The following BICRAL variants were observed in gnomAD, a reference collection of about 807,000 sequenced individuals.
BICRAL encodes the protein BRD4-interacting chromatin-remodeling complex-associated protein-like.
In BICRAL, 8 loss-of-function variants were observed where a neutral mutation model predicts 91.8. That is an observed-to-expected ratio of 0.09 (90% confidence interval 0.05 to 0.16). The LOEUF is 0.16. Among genes scored for constraint, BICRAL ranks in the 10% least tolerant of loss-of-function variants. The pLI is 1.00. For missense variants in BICRAL, 1,038 were observed against 1,310.9 expected (o/e 0.79, Z 3.21); for synonymous variants, 445 against 491.1 (o/e 0.91, Z 1.24).
intron 1 of BICRAL, among the ~76,000 whole-genome samples, chr6:42,767,011 G>A (rs1762645907): frequency 1.3e-5 from 2 of 150,700 alleles, no homozygotes; most frequent in African/African-American, 4.9e-5. Context: ...CTGTACTCCA[G>A]CCTGGGCAAC....
chr6:42,855,255 C>T (rs184122349), intron 8 of BICRAL, among the ~76,000 whole-genome samples: 76 of 152,178 alleles, frequency 5.0e-4, no homozygotes, highest in Middle Eastern at 3.4e-3. Context: ...AAAAATATAA[C>T]GATGGGTCAG....
intron 12 of BICRAL, among the ~76,000 whole-genome samples, chr6:42,863,855 C>G (rs1406689956): frequency 6.6e-6 from 1 of 152,094 alleles, no homozygotes; most frequent in African/African-American, 2.4e-5. Context: ...TGGTGAAACC[C>G]CGTCTTTACT....
At position 42,807,754 on chromosome 6, in the gene BICRAL, C is replaced by T. The variant is rs1279756529; in HGVS notation, c.-101-2552C>T. ...CTGGGAGGCGGAGGTTGCAGTGAGC[C>T]GAGATCACACCACTGCACTCTAGCC... On this transcript the variant is annotated intron_variant, in intron 1 of 12. Coordinates refer to ENST00000314073, the MANE Select transcript of BICRAL (RefSeq NM_001393499.1). Among the ~76,000 whole-genome samples, 3 of 148,888 alleles carry T rather than the reference C, an allele frequency of 2.0e-5. No individual in the cohort carries two copies. The East Asian group carries it at 6.1e-4, about 30-fold the overall frequency.
intron 5 of BICRAL, 137 bp downstream of exon 5, chr6:42,823,140 T>G (rs1478264638): frequency 1.7e-6 from 1 of 584,752 alleles, no homozygotes; most frequent in Non-Finnish European, 3.0e-6. Flanking sequence ...TATTTATTTA[T>G]TTTGAGATGG....
Position 42,822,917 on chromosome 6 carries a change from G to A in BICRAL, c.91-18G>A. Reference sequence around the variant, plus strand: ...ACAGTTAAAGTAGTAACCACCTATTGAATTTGTATCTTTGCAGAGCAATGA... The same window carrying A: ...ACAGTTAAAGTAGTAACCACCTATTAAATTTGTATCTTTGCAGAGCAATGA... On this transcript the variant is annotated intron_variant, in intron 4 of 12. Coordinates refer to ENST00000314073, the MANE Select transcript of BICRAL (RefSeq NM_001393499.1). The A allele has an allele frequency of 4.4e-6, 7 of 1,588,020 alleles. No individual in the cohort carries two copies. The highest frequency in any genetic ancestry group is 6.1e-6 in the Non-Finnish European group (7 of 1,156,508).
chr6:42,841,585 G>A (rs1242001504), intron 6 of BICRAL, among the ~76,000 whole-genome samples: 6 of 152,074 alleles, frequency 3.9e-5, no homozygotes, highest in Non-Finnish European at 8.8e-5. Context: ...ATGTGGAACC[G>A]TTGTATTTTC....
chr6:42,867,114 A>G lies in BICRAL; in HGVS notation c.*1668A>G, dbSNP rs1043160416. The G allele has an allele frequency of 3.6e-6, 1 of 276,122 alleles. No homozygotes were observed. Among genetic ancestry groups the G allele is most frequent in the African/African-American group, 2.2e-5 (1 of 45,286 alleles). The allele number at this position is 276,122 out of a possible 1,614,324, so 17.1% of individuals were successfully genotyped here. A position where few individuals can be genotyped will look rare whatever the true frequency, so the allele number is the denominator to read the frequency against. On this transcript the variant is annotated 3_prime_UTR_variant, in exon 13 of 13. Transcript: ENST00000314073. Reference sequence around the variant, plus strand: ...GAATCTGCTTCTGGCTGTCGCCAACATGGGGATGACCCCCATTGTCATCAT... The same window carrying G: ...GAATCTGCTTCTGGCTGTCGCCAACGTGGGGATGACCCCCATTGTCATCAT...
chr6:42,820,825 C>T (rs1475119689), intron 2 of BICRAL, among the ~76,000 whole-genome samples: 5 of 152,284 alleles, frequency 3.3e-5, no homozygotes, highest in Admixed American at 6.5e-5. Context: ...TGAATTCAGC[C>T]GCCAAGGGGA....
At chr6:42,787,207 G>A (rs1225086524) in intron 1 of BICRAL, among the ~76,000 whole-genome samples, 1 of 152,120 alleles carries the variant, frequency 6.6e-6, no homozygotes, top group Non-Finnish European at 1.5e-5. Context: ...AGGAATCAAG[G>A]GTGCCTTCAG....
intron 6 of BICRAL, among the ~76,000 whole-genome samples, chr6:42,847,608 T>C (rs1414807159): frequency 2.0e-5 from 3 of 150,322 alleles, no homozygotes; most frequent in African/African-American, 7.4e-5. Flanking sequence ...GAAGACCTCG[T>C]CTCTACAAAA....
intron 1 of BICRAL, among the ~76,000 whole-genome samples, chr6:42,769,873 A>G (rs1762693493): frequency 6.6e-6 from 1 of 152,194 alleles, no homozygotes; most frequent in Admixed American, 6.5e-5. Flanking sequence ...ACTGAAACAG[A>G]TTTCCCAAGT....
At chr6:42,760,266 A>G (rs571040288) in intron 1 of BICRAL, among the ~76,000 whole-genome samples, 5 of 146,902 alleles carry the variant, frequency 3.4e-5, no homozygotes, top group African/African-American at 1.3e-4. Context: ...ATCTCAAAAC[A>G]AAAAAAAATT....
intron 12 of BICRAL, among the ~76,000 whole-genome samples, chr6:42,864,347 A>G (rs1161964687): frequency 6.6e-6 from 1 of 152,192 alleles, no homozygotes; most frequent in African/African-American, 2.4e-5. Context: ...CTCAAAAAAA[A>G]TAAAATGATA....
chr6:42,845,791 C>T (rs1403210981), intron 6 of BICRAL, among the ~76,000 whole-genome samples: 1 of 151,524 alleles, frequency 6.6e-6, no homozygotes, highest in East Asian at 1.9e-4. Context: ...TGGCCGGGCG[C>T]GGTGGCTCAC....
chr6:42,858,767 A>T (rs568400181), intron 10 of BICRAL, among the ~76,000 whole-genome samples: 14 of 152,096 alleles, frequency 9.2e-5, no homozygotes, highest in Non-Finnish European at 1.9e-4. Context: ...CCATGAGCCG[A>T]GATCGTGCCA....
chr6:42,764,332 G>T (rs1171630294), intron 1 of BICRAL, among the ~76,000 whole-genome samples: 1 of 150,876 alleles, frequency 6.6e-6, no homozygotes, highest in East Asian at 2.0e-4. Context: ...TGGGAGGATT[G>T]CTTGAGCCTA....
chr6:42,801,892 AAAT>A (rs1207067482), intron 1 of BICRAL, among the ~76,000 whole-genome samples: 9 of 64,702 alleles, frequency 1.4e-4, no homozygotes, highest in Non-Finnish European at 3.1e-4. Context: ...CAAAAAAAAT[AAAT>A]AAAAATAAAA....
chr6:42,818,762 G>T (rs1764061978), intron 2 of BICRAL, among the ~76,000 whole-genome samples: 1 of 152,062 alleles, frequency 6.6e-6, no homozygotes, highest in South Asian at 2.1e-4. Context: ...AAGATATGAG[G>T]TGTGAATCTA....
chr6:42,802,980 TG>T (rs1435672001), intron 1 of BICRAL, among the ~76,000 whole-genome samples: 4 of 152,162 alleles, frequency 2.6e-5, no homozygotes, highest in Non-Finnish European at 5.9e-5. Context: ...AAAACATTTT[TG>T]TCAGGGCATC....
Sources: gnomAD v4.1 joint callset for allele counts (sites outside exome capture counted in the v4.1 genomes callset) on GRCh38, gnomAD v4.1.1 for gene constraint, MANE v1.5 for transcripts, NCBI Gene and HGNC (gene_info 2026-07-23, HGNC 2026-07-21) for gene names.